Variants in FAM107A observed in about 807,000 individuals in gnomAD.
The protein encoded by FAM107A is family with sequence similarity 107 member A, also known as actin-associated protein FAM107A.
FAM107A carries 19 observed loss-of-function variants against 13.7 expected under a neutral mutation model. The observed-to-expected ratio is 1.38, with a 90% confidence interval of 0.97 to 2.03. The LOEUF (loss-of-function observed/expected upper bound fraction) is 2.03, where lower values mean the gene tolerates loss of function less well. FAM107A is among the 30% of genes most tolerant of loss of function. FAM107A has a pLI of 0.00. For missense variants in FAM107A, 203 were observed against 184.4 expected (o/e 1.10, Z -0.58); for synonymous variants, 82 against 74.5 (o/e 1.10, Z -0.52).
At chr3:58,580,836 TAAAAG>T (rs1434825661), upstream of FAM107A, among the ~76,000 whole-genome samples, 1 of 151,404 alleles carries the variant, frequency 6.6e-6, no homozygotes, top group South Asian at 2.1e-4. Context: ...TTTGCGGTGT[TAAAAG>T]AAAAAAAAAG....
chr3:58,614,970 T>C (rs775706946), intron 1 of FAM107A, among the ~76,000 whole-genome samples: 12 of 152,090 alleles, frequency 7.9e-5, no homozygotes, highest in Non-Finnish European at 1.8e-4. Context: ...CACATCTGGC[T>C]GATTTTTGTA....
upstream of FAM107A, among the ~76,000 whole-genome samples, chr3:58,588,450 C>T (rs1484873751): frequency 6.6e-6 from 1 of 152,244 alleles, no homozygotes; most frequent in Non-Finnish European, 1.5e-5. Flanking sequence ...CAGACACCAT[C>T]CAGTGTCCTG....
chr3:58,580,566 C>T (rs1223855179), upstream of FAM107A, among the ~76,000 whole-genome samples: 1 of 151,856 alleles, frequency 6.6e-6, no homozygotes, highest in Non-Finnish European at 1.5e-5. Context: ...AGACACATGC[C>T]ACCACACCCA....
chr3:58,571,643 G>A (rs1383464922), intron 1 of FAM107A, among the ~76,000 whole-genome samples: 2 of 152,150 alleles, frequency 1.3e-5, no homozygotes, highest in Admixed American at 6.5e-5. Context: ...AGCTCTCTGG[G>A]TGCTTACGTA....
Position 58,617,458 on chromosome 3 carries a change from T to A in FAM107A, c.-70+9958A>T, listed in dbSNP as rs1303162518. Among the ~76,000 whole-genome samples, 1 of 152,150 alleles carries A rather than the reference T, an allele frequency of 6.6e-6. No homozygotes were observed. The highest frequency in any genetic ancestry group is 1.5e-5 in the Non-Finnish European group (1 of 68,024). ...CCAAGCCAGGCTCTTCCAGCTTCCC[T>A]GTGGCAGCCTCTGTCATCTTAGATT... is the stretch of plus-strand genomic sequence containing the variant. On this transcript the variant is annotated intron_variant, in intron 1 of 3. Transcript: ENST00000465970. The surrounding 1 kb of genome is among the most constrained non-coding windows in gnomAD (Gnocchi z 4.5).
intron 1 of FAM107A, among the ~76,000 whole-genome samples, chr3:58,599,696 ATTTTTT>A (rs57244654): frequency 7.6e-5 from 6 of 78,596 alleles, no homozygotes; most frequent in Non-Finnish European, 1.3e-4. Context: ...CAAGTGCACC[ATTTTTT>A]TTTTTTTTTT....
intron 2 of FAM107A, among the ~76,000 whole-genome samples, chr3:58,568,518 T>C (rs538678351): frequency 6.6e-6 from 1 of 152,214 alleles, no homozygotes; most frequent in African/African-American, 2.4e-5. Context: ...AAAATTTATT[T>C]ATATTACAAA....
Position 58,570,837 on chromosome 3 carries a change from C to T in FAM107A, c.-5-972G>A, listed in dbSNP as rs563546158. Among the ~76,000 whole-genome samples the T allele has an allele frequency of 9.8e-5, 15 of 152,312 alleles. No homozygotes were observed. The East Asian group carries it at 2.7e-3, about 27-fold the overall frequency. On this transcript the variant is annotated intron_variant, in intron 1 of 3. Transcript: ENST00000360997. ...TCTGGTATGCAGTAGGCGATCAATA[C>T]ACATTTGTTGGTAATTGCCAATGCA... is the stretch of plus-strand genomic sequence containing the variant.
rs549207125 is a variant in FAM107A, at chr3:58,572,797, T to G, written c.-5-2932A>C. 7.7e-4 allele frequency: 118 copies of G among 152,302 alleles called. 1 individual carries two copies. Among genetic ancestry groups the G allele is most frequent in the African/African-American group, 2.6e-3 (109 of 41,560 alleles). 9.4% of individuals were successfully genotyped at this position (152,302 alleles called of 1,614,324 possible). On this transcript the variant is annotated intron_variant, in intron 1 of 3. Transcript: ENST00000360997. ...TGAGACCTTCGCCCCATACGTAAGTTGCCGGCCAGCCAGTGGGTTGGCTGC... is the reference window on the plus strand; with the variant it reads ...TGAGACCTTCGCCCCATACGTAAGTGGCCGGCCAGCCAGTGGGTTGGCTGC...
At chr3:58,589,311 T>C, upstream of FAM107A, 1 of 1,356,078 alleles carries the variant, frequency 7.4e-7, no homozygotes, top group South Asian at 1.2e-5. Flanking sequence ...GGACCCTTGG[T>C]TCTTTGGCTG....
At chr3:58,582,790 G>A (rs2065562648) in intron 1 of FAM107A, among the ~76,000 whole-genome samples, 1 of 152,204 alleles carries the variant, frequency 6.6e-6, no homozygotes, top group Admixed American at 6.5e-5. Context: ...TCACTTAAGA[G>A]CATTCAAGTT....
chr3:58,611,339 C>T (rs2065852293), intron 1 of FAM107A, among the ~76,000 whole-genome samples: 1 of 152,236 alleles, frequency 6.6e-6, no homozygotes, highest in Admixed American at 6.5e-5. Context: ...TCAGCAGAAT[C>T]TTGACAACTG....
intron 1 of FAM107A, among the ~76,000 whole-genome samples, chr3:58,583,181 C>A (rs906013888): frequency 6.6e-6 from 1 of 152,204 alleles, no homozygotes; most frequent in Non-Finnish European, 1.5e-5. Flanking sequence ...AAAACACACA[C>A]ACACTATGCA....
At chr3:58,578,080 C>G (rs778261040), upstream of FAM107A, among the ~76,000 whole-genome samples, 1 of 152,092 alleles carries the variant, frequency 6.6e-6, no homozygotes, top group Non-Finnish European at 1.5e-5. Flanking sequence ...GTGGAGCATA[C>G]CAGGGTGGTT....
Position 58,617,418 on chromosome 3 carries a change from C to T in FAM107A, c.-70+9998G>A, listed in dbSNP as rs1034972295. Among the ~76,000 whole-genome samples the T allele has an allele frequency of 2.0e-5, 3 of 152,064 alleles. No individual in the cohort carries two copies. Among genetic ancestry groups the T allele is most frequent in the Admixed American group, 6.6e-5 (1 of 15,266 alleles). On this transcript the variant is annotated intron_variant, in intron 1 of 3. Coordinates refer to the FAM107A transcript ENST00000465970. This position sits in a 1 kb window ranked among gnomAD's most constrained non-coding sequence, Gnocchi z 4.5. Reference sequence around the variant, plus strand: ...CCCCGTCCTGAGCTTCCTGAGGAGCCGGATGTCACCTAGACCAAGCCAGGC... The same window carrying T: ...CCCCGTCCTGAGCTTCCTGAGGAGCTGGATGTCACCTAGACCAAGCCAGGC...
At position 58,569,462 on chromosome 3, in the gene FAM107A, G is replaced by A. The variant is rs2063658445; in HGVS notation, c.170+229C>T. 6.6e-6 allele frequency among the ~76,000 whole-genome samples: 1 copy of A among 152,210 alleles called. No individual in the cohort carries two copies. The highest frequency in any genetic ancestry group is 1.5e-5 in the Non-Finnish European group (1 of 68,040). ...TGTATCTGGAGTGTGGGCATGAAAT[G>A]GGTGGCTGGGCAAGAGAACAGGGCT... On this transcript the variant is annotated intron_variant, in intron 2 of 3. Coordinates refer to ENST00000360997, the MANE Select transcript of FAM107A (RefSeq NM_001076778.3). The surrounding 1 kb of genome is among the most constrained non-coding windows in gnomAD (Gnocchi z 5.7).
rs904289249 is a variant in FAM107A, at chr3:58,604,244, C to A, written c.-69-14975G>T. On this transcript the variant is annotated intron_variant, in intron 1 of 3. Coordinates refer to the FAM107A transcript ENST00000465970. This position sits in a 1 kb window ranked among gnomAD's most constrained non-coding sequence, Gnocchi z 4.1. The stretch of plus-strand genomic sequence containing the variant: ...CTTTGGAAAATGAGCTCAGTCTCTG[C>A]CCACAATTCAACATTATTATACTTG... Among the ~76,000 whole-genome samples the A allele has an allele frequency of 6.6e-6, 1 of 152,012 alleles. No homozygotes were observed. Among genetic ancestry groups the A allele is most frequent in the Non-Finnish European group, 1.5e-5 (1 of 68,008 alleles).
intron 1 of FAM107A, among the ~76,000 whole-genome samples, chr3:58,597,743 AG>A (rs1267068581): frequency 2.0e-5 from 3 of 152,238 alleles, no homozygotes; most frequent in African/African-American, 4.8e-5. Flanking sequence ...CTCTGAGATT[AG>A]GGAAGAGTGA....
chr3:58,611,126 T>C (rs2065850209), intron 1 of FAM107A, among the ~76,000 whole-genome samples: 1 of 152,248 alleles, frequency 6.6e-6, no homozygotes. Context: ...CCTTCTGCCA[T>C]GACTGTAAGT....
Sources: gnomAD v4.1 joint callset for allele counts (sites outside exome capture counted in the v4.1 genomes callset) on GRCh38, gnomAD v4.1.1 for gene constraint, Gnocchi (gnomAD v3.1) non-coding constraint, MANE v1.5 for transcripts, NCBI Gene and HGNC (gene_info 2026-07-23, HGNC 2026-07-21) for gene names.